The following DNAH3 variants were observed in gnomAD, a reference collection of about 807,000 sequenced individuals.
The protein encoded by DNAH3 is dynein axonemal heavy chain 3.
DNAH3 carries 332 observed loss-of-function variants against 432.5 expected under a neutral mutation model. That is an observed-to-expected ratio of 0.77 (90% CI 0.70 to 0.84). DNAH3 has a LOEUF of 0.84. DNAH3 is among the 40% of genes least tolerant of loss of function. DNAH3 has a pLI of 0.00. For synonymous variants in DNAH3, 1,956 were observed against 1,900.2 expected, an observed-to-expected ratio of 1.03 and a Z score of -0.76; for missense variants, 4,861 against 5,114.0, an observed-to-expected ratio of 0.95 and a Z score of 1.51.
intron 25 of DNAH3, among the ~76,000 whole-genome samples, chr16:21,061,991 A>C (rs917758275): frequency 1.3e-5 from 2 of 152,184 alleles, no homozygotes; most frequent in African/African-American, 4.8e-5. Context: ...TTTCCACTTG[A>C]GGGTGCTGTC....
rs111602422 is a variant in DNAH3 at position 20,988,601 on chromosome 16, A to G, written c.6602-536T>C. Among the ~76,000 whole-genome samples the G allele has an allele frequency of 8.1e-3, 1,227 of 152,304 alleles. 21 individuals carry two copies. The highest frequency in any genetic ancestry group is 0.028 in the African/African-American group (1,148 of 41,572). ...ATTGCAGGCATGAGACACCGCGCCC[A>G]GCCTCAAGAATGTTTTTAAAAGATA... On this transcript the variant is annotated intron_variant, in intron 44 of 61. Coordinates refer to ENST00000261383, the Ensembl canonical transcript of DNAH3.
At chr16:21,104,282 A>G (rs2091900190) in intron 16 of DNAH3, 189 bp downstream of exon 16, 1 of 585,738 alleles carries the variant, frequency 1.7e-6, no homozygotes, top group Non-Finnish European at 3.1e-6. Context: ...ATTACAGTGA[A>G]GCAGTCTTAA....
chr16:21,070,290 A>G (rs539197583), intron 22 of DNAH3, among the ~76,000 whole-genome samples: 2 of 152,182 alleles, frequency 1.3e-5, no homozygotes, highest in Admixed American at 6.6e-5. Context: ...TAATTAATTT[A>G]CTTATTTTTG....
At chr16:21,076,292 A>T (rs1344248300) in intron 20 of DNAH3, among the ~76,000 whole-genome samples, 1 of 152,212 alleles carries the variant, frequency 6.6e-6, no homozygotes, top group Admixed American at 6.5e-5. Context: ...AGACCATGTC[A>T]ATTCATAGGG....
intron 33 of DNAH3, 110 bp downstream of exon 33, chr16:21,039,742 T>A: frequency 1.1e-6 from 1 of 870,336 alleles, no homozygotes; most frequent in Non-Finnish European, 2.0e-6. Context: ...AGAAGCAAGT[T>A]TCTCAAGCTT....
intron 55 of DNAH3, among the ~76,000 whole-genome samples, chr16:20,952,761 C>T (rs1198276222): frequency 6.6e-6 from 1 of 152,176 alleles, no homozygotes; most frequent in Non-Finnish European, 1.5e-5. Context: ...AATCAATTTC[C>T]TTATATACCT....
At chr16:20,953,978 T>G (rs1173049296) in intron 55 of DNAH3, among the ~76,000 whole-genome samples, 9 of 152,104 alleles carry the variant, frequency 5.9e-5, no homozygotes, top group Admixed American at 5.9e-4. Flanking sequence ...GTAGTGTATG[T>G]CAGAATTTTC....
intron 20 of DNAH3, among the ~76,000 whole-genome samples, chr16:21,080,677 AT>A (rs1388472432): frequency 3.9e-5 from 6 of 152,180 alleles, no homozygotes; most frequent in African/African-American, 1.4e-4. Context: ...GAAAACGTGC[AT>A]TCTAGCTAGT....
chr16:21,048,731 A>C (rs1597239330), intron 31 of DNAH3, among the ~76,000 whole-genome samples: 2 of 140,472 alleles, frequency 1.4e-5, no homozygotes, highest in Admixed American at 7.2e-5. Flanking sequence ...ACAGAGTTTC[A>C]CTCCCAGCCT....
At chr16:21,009,268 T>C (rs2087465921) in intron 41 of DNAH3, among the ~76,000 whole-genome samples, 3 of 152,214 alleles carry the variant, frequency 2.0e-5, no homozygotes, top group Admixed American at 6.5e-5. Context: ...AGTATTAGCA[T>C]AGAAAATGCT....
exon 53 of DNAH3, chr16:20,965,269 G>A: frequency 6.2e-7 from 1 of 1,613,652 alleles, no homozygotes; most frequent in Non-Finnish European, 8.5e-7. Context: ...TTTAATGACA[G>A]CTGGCTGGAA....
intron 39 of DNAH3, among the ~76,000 whole-genome samples, chr16:21,022,625 T>C (rs942247477): frequency 1.3e-5 from 2 of 152,210 alleles, no homozygotes; most frequent in African/African-American, 4.8e-5. Flanking sequence ...GATTCTTGCC[T>C]CTAGTGTCTG....
rs140793524 is a variant in DNAH3 at position 21,100,024 on chromosome 16, T to C, written c.2367-1255A>G. Among the ~76,000 whole-genome samples the C allele has an allele frequency of 5.6e-3, 859 of 152,342 alleles. 6 individuals are homozygous for C. Among genetic ancestry groups the C allele is most frequent in the Non-Finnish European group, 9.3e-3 (633 of 68,034 alleles). ...ATCCTAAGAATGCTTAATTCTGTTATGGCAGTTTTAAAGTTGCTTTTTTCT... is the reference window on the plus strand; with the variant it reads ...ATCCTAAGAATGCTTAATTCTGTTACGGCAGTTTTAAAGTTGCTTTTTTCT... On this transcript the variant is annotated intron_variant, in intron 16 of 61. Transcript: ENST00000261383.
chr16:21,158,076 A>C (rs2152838936), intron 1 of DNAH3, among the ~76,000 whole-genome samples: 1 of 152,260 alleles, frequency 6.6e-6, no homozygotes, highest in African/African-American at 2.4e-5. Flanking sequence ...GGGCCAGGGG[A>C]AACAGGGGCT....
intron 56 of DNAH3, among the ~76,000 whole-genome samples, chr16:20,949,763 T>C (rs1281888906): frequency 3.3e-5 from 5 of 152,222 alleles, no homozygotes; most frequent in Admixed American, 6.5e-5. Context: ...ATGTCTTTTA[T>C]ACCCTTGAGG....
At position 20,965,764 on chromosome 16, in the gene DNAH3, G is replaced by A. The variant is rs180756835; in HGVS notation, c.8459-339C>T. The stretch of plus-strand genomic sequence containing the variant: ...GTCTTGCACTGTCAGCCAGGCTAGA[G>A]TTCAGTGGCACGATCTTGGCTCACT... On this transcript the variant is annotated intron_variant, in intron 52 of 61. Coordinates refer to ENST00000261383, the Ensembl canonical transcript of DNAH3. 1.2e-4 allele frequency among the ~76,000 whole-genome samples: 18 copies of A among 152,272 alleles called. 1 individual carries two copies. The highest frequency in any genetic ancestry group is 4.3e-4 in the African/African-American group (18 of 41,554).
At chr16:20,961,952 G>C (rs959960855) in intron 53 of DNAH3, among the ~76,000 whole-genome samples, 36 of 151,644 alleles carry the variant, frequency 2.4e-4, no homozygotes, top group African/African-American at 8.2e-4. Context: ...CTTGAGGTCA[G>C]GAGTTCAAGA....
At chr16:21,050,282 G>A (rs1471307057) in intron 29 of DNAH3, among the ~76,000 whole-genome samples, 2 of 152,170 alleles carry the variant, frequency 1.3e-5, no homozygotes, top group Non-Finnish European at 2.9e-5. Flanking sequence ...TCCAGCACAT[G>A]AGTGGCACCC....
chr16:20,958,186 G>A (rs1170202200), intron 54 of DNAH3, among the ~76,000 whole-genome samples: 2 of 151,022 alleles, frequency 1.3e-5, no homozygotes, highest in East Asian at 3.9e-4. Flanking sequence ...GATTCTCCCA[G>A]TTCAGCCTCC....
Sources: gnomAD v4.1 joint callset for allele counts (sites outside exome capture counted in the v4.1 genomes callset) on GRCh38, gnomAD v4.1.1 for gene constraint, MANE v1.5 for transcripts, NCBI Gene and HGNC (gene_info 2026-07-23, HGNC 2026-07-21) for gene names.